Variants in SHISA6 observed in about 807,000 individuals in gnomAD.
The protein encoded by SHISA6 is protein shisa-6.
Under a neutral mutation model 47.9 loss-of-function variants are expected in SHISA6, and 22 were observed. The ratio of observed to expected loss-of-function variants is 0.46; its 90% CI spans 0.33 to 0.66. SHISA6 has a LOEUF of 0.66. Ranked by LOEUF, SHISA6 falls within the 30% of genes least tolerant of loss-of-function variation. The pLI is 0.02. For missense variants in SHISA6, 680 were observed against 764.6 expected (o/e 0.89, Z 1.30); for synonymous variants, 388 against 337.8 (o/e 1.15, Z -1.63).
intron 2 of SHISA6, among the ~76,000 whole-genome samples, chr17:11,352,985 C>T (rs1362871399): frequency 6.6e-6 from 1 of 152,186 alleles, no homozygotes; most frequent in African/African-American, 2.4e-5. Context: ...GCCTTCCACC[C>T]TAACCTTTAT....
intron 3 of SHISA6, among the ~76,000 whole-genome samples, chr17:11,461,057 G>A (rs1915677252): frequency 6.6e-6 from 1 of 152,108 alleles, no homozygotes; most frequent in Admixed American, 6.5e-5. Context: ...AAGAGTGTGT[G>A]TTGAATCTGT....
At chr17:11,556,985 G>A (rs952634880) in intron 5 of SHISA6, among the ~76,000 whole-genome samples, 2 of 152,176 alleles carry the variant, frequency 1.3e-5, no homozygotes, top group South Asian at 4.1e-4. Flanking sequence ...GTGAGCTTAG[G>A]AGGGCCTGCT....
intron 3 of SHISA6, among the ~76,000 whole-genome samples, chr17:11,460,216 G>C (rs72807179): frequency 0.029 from 4,341 of 152,304 alleles, 111 homozygotes; most frequent in Non-Finnish European, 0.046. Flanking sequence ...GCCACATGAG[G>C]GATTTTGTCC....
In SHISA6 at chr17:11,263,393, G is replaced by A; in HGVS notation, c.666G>A (p.Gln222=). 2 of 1,552,126 alleles carry A rather than the reference G, an allele frequency of 1.3e-6. No homozygotes were observed. The stretch of plus-strand genomic sequence containing the variant: ...CTCTGGCTGACATCTTAAGACAACA[G>A]GGACCAATCCCCATAGCACACTGTG... ...HRALADILRQ[Q]GPIPIAHCER... Residue 222 remains glutamine, a synonymous_variant, in exon 2 of 6, where the codon CAG becomes CAA. Transcript: ENST00000441885.
At chr17:11,320,661 A>G (rs1367839490) in intron 2 of SHISA6, among the ~76,000 whole-genome samples, 2 of 49,788 alleles carry the variant, frequency 4.0e-5, no homozygotes, top group Admixed American at 1.6e-4. Context: ...TCCATCACCA[A>G]AAAAAAAAAG....
At chr17:11,356,082 T>C (rs1912069391) in intron 2 of SHISA6, among the ~76,000 whole-genome samples, 1 of 152,198 alleles carries the variant, frequency 6.6e-6, no homozygotes, top group Non-Finnish European at 1.5e-5. Context: ...TGAGAGGCAC[T>C]GGTGCAAAGT....
intron 2 of SHISA6, among the ~76,000 whole-genome samples, chr17:11,368,305 C>CA (rs200668836): frequency 0.49 from 74,423 of 151,430 alleles, 18,633 homozygotes; most frequent in African/African-American, 0.58. Flanking sequence ...GATGAGCTGA[C>CA]GTGTTTTCTC....
At chr17:11,296,867 A>T (rs1056883152) in intron 2 of SHISA6, among the ~76,000 whole-genome samples, 11 of 152,116 alleles carry the variant, frequency 7.2e-5, no homozygotes, top group African/African-American at 2.7e-4. Context: ...GCTAGAGAAG[A>T]GAGTGCATCA....
rs1191203500 is a variant in SHISA6, at chr17:11,498,276, C to A, written c.896-53620C>A. On this transcript the variant is annotated intron_variant, in intron 3 of 5. Coordinates refer to ENST00000441885, the MANE Select transcript of SHISA6 (RefSeq NM_207386.4). ...ACCTTCCCTGAGCTAGTCCTTCCTC[C>A]TCCTCCATCCCCAAACATCTTGGAC... Among the ~76,000 whole-genome samples the A allele has an allele frequency of 2.6e-5, 4 of 152,198 alleles. No homozygotes were observed. The East Asian group carries it at 7.7e-4, about 29-fold the overall frequency.
intron 3 of SHISA6, among the ~76,000 whole-genome samples, chr17:11,473,861 T>G (rs530330720): frequency 9.9e-5 from 15 of 152,250 alleles, no homozygotes; most frequent in African/African-American, 3.6e-4. Flanking sequence ...ATCTAGGTTT[T>G]AAGCCCCACA....
At chr17:11,421,851 CAGGG>C (rs1414310670) in intron 3 of SHISA6, among the ~76,000 whole-genome samples, 2 of 152,116 alleles carry the variant, frequency 1.3e-5, no homozygotes, top group Non-Finnish European at 2.9e-5. Flanking sequence ...AGGAGTGAGT[CAGGG>C]AAGGCAGAGG....
intron 2 of SHISA6, among the ~76,000 whole-genome samples, chr17:11,284,273 A>G (rs914702501): frequency 2.0e-5 from 3 of 152,156 alleles, no homozygotes; most frequent in African/African-American, 7.2e-5. Flanking sequence ...AAAGTAGGCA[A>G]TTTCTGGAGT....
chr17:11,324,898 G>T (rs1910824895), intron 2 of SHISA6, among the ~76,000 whole-genome samples: 1 of 152,116 alleles, frequency 6.6e-6, no homozygotes. Flanking sequence ...CACAGCGAGG[G>T]CCGGGTCTCC....
intron 2 of SHISA6, chr17:11,289,479 A>G (rs1909441145): frequency 2.6e-5 from 4 of 151,242 alleles, no homozygotes; most frequent in Admixed American, 2.6e-4. Flanking sequence ...CTCCCTTACC[A>G]CCCCTTCCCC....
At chr17:11,335,554 C>T (rs1056561433) in intron 2 of SHISA6, among the ~76,000 whole-genome samples, 2 of 152,240 alleles carry the variant, frequency 1.3e-5, no homozygotes, top group African/African-American at 4.8e-5. Flanking sequence ...AATTAAAGTT[C>T]CTCTTGAGTA....
At chr17:11,338,737 G>T (rs908543079) in intron 2 of SHISA6, among the ~76,000 whole-genome samples, 4 of 152,038 alleles carry the variant, frequency 2.6e-5, no homozygotes, top group Non-Finnish European at 4.4e-5. Flanking sequence ...TTTAACAAAA[G>T]ATTTATCTGT....
chr17:11,536,979 G>A (rs2193111), intron 3 of SHISA6, among the ~76,000 whole-genome samples: 2,798 of 152,208 alleles, frequency 0.018, 82 homozygotes, highest in East Asian at 0.069. Flanking sequence ...CTGAAGACGC[G>A]GATCACAGCA....
chr17:11,437,470 C>T (rs1341374015), intron 3 of SHISA6, among the ~76,000 whole-genome samples: 5 of 152,146 alleles, frequency 3.3e-5, no homozygotes, highest in African/African-American at 1.2e-4. Context: ...GCTACTGTGA[C>T]GAACTTCAGT....
At chr17:11,290,432 C>G (rs1307547110) in intron 2 of SHISA6, 2 of 148,686 alleles carry the variant, frequency 1.3e-5, no homozygotes, top group South Asian at 2.1e-4. Flanking sequence ...CTCACCACAA[C>G]CTCCGCCTCC....
Sources: allele counts gnomAD v4.1 joint callset (sites outside exome capture counted in the v4.1 genomes callset), GRCh38; gene constraint gnomAD v4.1.1; transcripts MANE v1.5; gene names NCBI Gene and HGNC (gene_info 2026-07-23, HGNC 2026-07-21).